ANK2: variants seen among roughly 807,000 people sequenced by gnomAD.
ANK2 encodes ankyrin 2, also known as ankyrin-2.
A neutral mutation model predicts 360.5 loss-of-function variants in ANK2; 83 were observed. The ratio of observed to expected loss-of-function variants is 0.23; its 90% CI spans 0.19 to 0.28. The LOEUF is 0.28. ANK2 is among the 10% of genes least tolerant of loss of function. The probability of loss-of-function intolerance (pLI) is 1.00; values close to 1 mark genes in which losing one functional copy is unlikely to be tolerated. For missense variants in ANK2, 4,201 were observed against 4,795.7 expected (o/e 0.88, Z 3.66); for synonymous variants, 1,740 against 1,759.5 (o/e 0.99, Z 0.28).
chr4:113,177,430 G>T (rs1211047192), intron 2 of ANK2, among the ~76,000 whole-genome samples: 3 of 152,118 alleles, frequency 2.0e-5, no homozygotes, highest in Non-Finnish European at 2.9e-5. Flanking sequence ...ATGTCAATTT[G>T]TTAACTTTCT....
At chr4:113,028,795 T>C (rs943083957) in intron 2 of ANK2, among the ~76,000 whole-genome samples, 1 of 152,120 alleles carries the variant, frequency 6.6e-6, no homozygotes, top group East Asian at 1.9e-4. Context: ...AAATGCGTAT[T>C]GTTTCCACAA....
At chr4:113,309,255 C>T (rs1392314971) in intron 23 of ANK2, among the ~76,000 whole-genome samples, 1 of 152,312 alleles carries the variant, frequency 6.6e-6, no homozygotes, top group East Asian at 1.9e-4. Context: ...TTAGACACTG[C>T]TTTCAGCATT....
rs559160256 is a variant in ANK2 at position 113,346,657 on chromosome 4, A to G, written c.4371+635A>G. Among the ~76,000 whole-genome samples, 454 of 152,294 alleles carry G rather than the reference A, an allele frequency of 3.0e-3. 2 individuals carry two copies. The highest frequency in any genetic ancestry group is 0.01 in the African/African-American group (432 of 41,570). ...GAGCCCAGGACTTCAAGGGCAGCTT[A>G]GGCAACATAACTTGTGTAAATTGTT... is the stretch of plus-strand genomic sequence containing the variant. On this transcript the variant is annotated intron_variant, in intron 35 of 45. Coordinates refer to ENST00000357077, the MANE Select transcript of ANK2 (RefSeq NM_001148.6).
chr4:112,847,072 C>T (rs1052215281), intron 1 of ANK2, among the ~76,000 whole-genome samples: 3 of 152,128 alleles, frequency 2.0e-5, no homozygotes, highest in African/African-American at 7.2e-5. Context: ...TAGTCACATA[C>T]TCTGTGAAAA....
At position 113,106,984 on chromosome 4, in the gene ANK2, G is replaced by A. The variant is rs548263874; in HGVS notation, c.84+57172G>A. ...TACAGAGACTTCCATTTGGAATTAT[G>A]CATACTTGGTGTCAAATGGTGATTG... On this transcript the variant is annotated intron_variant, in intron 1 of 45. Coordinates refer to ENST00000357077, the MANE Select transcript of ANK2 (RefSeq NM_001148.6). 9.7e-6 allele frequency: 5 copies of A among 515,230 alleles called. No individual in the cohort carries two copies. In the East Asian group the frequency reaches 2.8e-4, roughly 28 times the overall value. The allele number at this position is 515,230 out of a possible 1,614,324, so 31.9% of individuals were successfully genotyped here.
rs542296417 is a variant in ANK2, at chr4:113,338,829, A to C, written c.3797-397A>C. Among the ~76,000 whole-genome samples the C allele has an allele frequency of 3.3e-5, 5 of 152,176 alleles. No individual in the cohort carries two copies. In the South Asian group the frequency reaches 8.3e-4, roughly 25 times the overall value. On this transcript the variant is annotated intron_variant, in intron 31 of 45. Coordinates refer to ENST00000357077, the MANE Select transcript of ANK2 (RefSeq NM_001148.6). ...CTCCCAAAGTGCTGGGATTACAGGCATGAGTCACCGCGCCCGGCCGATTGT... is the reference window on the plus strand; with the variant it reads ...CTCCCAAAGTGCTGGGATTACAGGCCTGAGTCACCGCGCCCGGCCGATTGT...
intron 4 of ANK2, among the ~76,000 whole-genome samples, chr4:113,208,133 T>A (rs1003096742): frequency 6.6e-6 from 1 of 150,492 alleles, no homozygotes; most frequent in African/African-American, 2.5e-5. Flanking sequence ...AATATGAAGC[T>A]GGCTTGGGGG....
At chr4:112,821,785 T>C (rs1338234795) in intron 1 of ANK2, among the ~76,000 whole-genome samples, 4 of 151,180 alleles carry the variant, frequency 2.6e-5, no homozygotes, top group African/African-American at 9.7e-5. Context: ...TTTTTTTTTT[T>C]TGAGAAAGGG....
the ANK2 span, among the ~76,000 whole-genome samples, chr4:112,733,459 T>C: frequency 6.6e-6 from 1 of 152,202 alleles, no homozygotes; most frequent in Non-Finnish European, 1.5e-5. Context: ...CATTAGTTCA[T>C]GAGTAATTTT....
the ANK2 span, among the ~76,000 whole-genome samples, chr4:112,743,743 C>T: frequency 6.6e-6 from 1 of 151,904 alleles, no homozygotes; most frequent in Non-Finnish European, 1.5e-5. Context: ...CGGGGTTTCA[C>T]CATATTAACC....
chr4:113,156,804 T>C (rs922175952), intron 1 of ANK2, among the ~76,000 whole-genome samples: 11 of 150,276 alleles, frequency 7.3e-5, no homozygotes, highest in African/African-American at 2.7e-4. Context: ...ATATTATATA[T>C]ATAAAATGTA....
chr4:113,320,378 G>T (rs1255197101), intron 26 of ANK2, among the ~76,000 whole-genome samples: 1 of 152,196 alleles, frequency 6.6e-6, no homozygotes, highest in Non-Finnish European at 1.5e-5. Flanking sequence ...TGCTGGCCAG[G>T]CGCAGTGGCT....
chr4:113,286,123 A>T (rs1303105728), intron 18 of ANK2, among the ~76,000 whole-genome samples: 1 of 152,256 alleles, frequency 6.6e-6, no homozygotes, highest in Non-Finnish European at 1.5e-5. Context: ...TTGAGATTTG[A>T]TGATCACTTC....
At chr4:112,721,058 C>T in the ANK2 span, among the ~76,000 whole-genome samples, 2 of 152,076 alleles carry the variant, frequency 1.3e-5, no homozygotes, top group African/African-American at 4.8e-5. Flanking sequence ...TCCCAGAACC[C>T]CCAAGGTTCA....
intron 1 of ANK2, among the ~76,000 whole-genome samples, chr4:112,849,567 C>T (rs1409558579): frequency 6.6e-6 from 1 of 152,106 alleles, no homozygotes; most frequent in African/African-American, 2.4e-5. Flanking sequence ...TAATATGCTG[C>T]CTCTAGTTTA....
chr4:113,152,079 G>GAAAAAAAAAAAA (rs1554193694), intron 1 of ANK2, among the ~76,000 whole-genome samples: 1 of 25,486 alleles, frequency 3.9e-5, no homozygotes, highest in Non-Finnish European at 7.3e-5. Context: ...AAAAAAAAAA[G>GAAAAAAAAAAAA]AAAAAAAAAA....
At chr4:113,090,166 G>A (rs1257448037) in intron 1 of ANK2, among the ~76,000 whole-genome samples, 1 of 152,176 alleles carries the variant, frequency 6.6e-6, no homozygotes, top group Non-Finnish European at 1.5e-5. Context: ...TTCCCAAAGA[G>A]TGAGATTCCT....
chr4:112,937,848 AG>A (rs1322197621), intron 2 of ANK2, among the ~76,000 whole-genome samples: 1 of 152,210 alleles, frequency 6.6e-6, no homozygotes, highest in East Asian at 1.9e-4. Context: ...TCCTTAGAAA[AG>A]ATGGCCTCTG....
chr4:112,829,261 TAG>T (rs1353112349), intron 1 of ANK2, among the ~76,000 whole-genome samples: 1 of 151,728 alleles, frequency 6.6e-6, no homozygotes, highest in African/African-American at 2.4e-5. Context: ...ATGCTGAGAG[TAG>T]AGTGTTTAAG....
Sources: gnomAD v4.1 joint callset for allele counts (sites outside exome capture counted in the v4.1 genomes callset) on GRCh38, gnomAD v4.1.1 for gene constraint, MANE v1.5 for transcripts, NCBI Gene and HGNC (gene_info 2026-07-23, HGNC 2026-07-21) for gene names.